Variants in SCML2 observed in about 807,000 individuals in gnomAD.
The protein encoded by SCML2 is Scm polycomb group protein like 2.
In SCML2, 6 loss-of-function variants were observed where a neutral mutation model predicts 48.4. That is an observed-to-expected ratio of 0.12 (90% CI 0.07 to 0.24). SCML2 has a LOEUF of 0.24. SCML2 is among the 10% of genes least tolerant of loss of function. SCML2 has a pLI of 1.00. For missense variants in SCML2, 377 were observed against 528.2 expected (o/e 0.71, Z 2.81); for synonymous variants, 181 against 189.5 (o/e 0.95, Z 0.37).
At chrX:18,316,411 C>T (rs746677808) in intron 6 of SCML2, among the ~76,000 whole-genome samples, 6 of 111,105 alleles carry the variant, frequency 5.4e-5, no homozygotes, top group Non-Finnish European at 7.6e-5. Flanking sequence ...GAAAAATAGG[C>T]AAAGGCTATA....
chrX:18,317,850 A>AG (rs1234924964), intron 6 of SCML2, among the ~76,000 whole-genome samples: 11 of 109,070 alleles, frequency 1.0e-4, no homozygotes, highest in Non-Finnish European at 1.9e-4. Context: ...AAAAAAAAAA[A>AG]AAAGAAAAAG....
intron 6 of SCML2, 23 bp downstream of exon 6, chrX:18,320,309 G>T: frequency 2.0e-6 from 2 of 982,224 alleles, no homozygotes; most frequent in Non-Finnish European, 2.8e-6. Flanking sequence ...AAACATGGCA[G>T]CTTTTTATAA....
chrX:18,315,660 C>T (rs12688197), intron 6 of SCML2, among the ~76,000 whole-genome samples: 29,876 of 110,772 alleles, frequency 0.27, 3,447 homozygotes, highest in African/African-American at 0.44. Flanking sequence ...ACCACAACCT[C>T]ACACAAAGAA....
intron 7 of SCML2, among the ~76,000 whole-genome samples, chrX:18,269,996 G>A (rs1927394207): frequency 9.6e-6 from 1 of 104,618 alleles, no homozygotes; most frequent in Non-Finnish European, 1.9e-5. Flanking sequence ...ATATATGTAT[G>A]TATGAGCAAA....
chrX:18,295,393 A>G (rs1328584616), intron 7 of SCML2, among the ~76,000 whole-genome samples: 1 of 111,984 alleles, frequency 8.9e-6, no homozygotes, highest in Non-Finnish European at 1.9e-5. Flanking sequence ...GGAGGCCTGA[A>G]GATGGGCCCA....
At chrX:18,320,545 T>G (rs945698680) in intron 5 of SCML2, 125 bp from the exon 6 acceptor site, 1 of 404,895 alleles carries the variant, frequency 2.5e-6, no homozygotes, top group Non-Finnish European at 4.3e-6. Flanking sequence ...TCTAAGAACT[T>G]TGAACATGGG....
intron 6 of SCML2, among the ~76,000 whole-genome samples, chrX:18,318,497 A>G (rs1423363981): frequency 8.9e-6 from 1 of 112,786 alleles, no homozygotes; most frequent in East Asian, 2.8e-4. Context: ...CATACTCTTC[A>G]ACATTTTCTC....
chrX:18,240,377 C>G lies in SCML2; in HGVS notation c.*874G>C, dbSNP rs899190808. ...AAGAATAAACACATACAATATATAT[C>G]TTCAAAAATTTTGGACACAGGTATC... On this transcript the variant is annotated 3_prime_UTR_variant, in exon 15 of 15. Coordinates refer to ENST00000251900, the MANE Select transcript of SCML2 (RefSeq NM_006089.3). 5 of 111,982 alleles carry G rather than the reference C, an allele frequency of 4.5e-5. No individual in the cohort carries two copies. Among genetic ancestry groups the G allele is most frequent in the African/African-American group, 1.6e-4 (5 of 30,771 alleles). The allele number at this position is 111,982 out of a possible 1,213,427, so 9.2% of individuals were successfully genotyped here.
intron 7 of SCML2, among the ~76,000 whole-genome samples, chrX:18,276,373 T>C (rs773314948): frequency 1.1e-4 from 12 of 110,693 alleles, no homozygotes; most frequent in Non-Finnish European, 7.6e-5. Context: ...ATTCCACTCC[T>C]AGGTACAGAT....
At chrX:18,335,849 C>T (rs1310551061) in intron 1 of SCML2, among the ~76,000 whole-genome samples, 2 of 112,120 alleles carry the variant, frequency 1.8e-5, no homozygotes, top group South Asian at 3.7e-4. Context: ...TCATCAAAAT[C>T]CTCATAGGGT....
At chrX:18,251,424 G>A (rs60470775) in intron 11 of SCML2, among the ~76,000 whole-genome samples, 29,920 of 106,265 alleles carry the variant, frequency 0.28, 3,774 homozygotes, top group African/African-American at 0.48. Flanking sequence ...CAGAATATAC[G>A]AAGAACTCTT....
chrX:18,295,723 C>T (rs949463901), intron 7 of SCML2, among the ~76,000 whole-genome samples: 1 of 108,172 alleles, frequency 9.2e-6, no homozygotes, highest in African/African-American at 3.4e-5. Context: ...AGAACAGGCA[C>T]GCTCGGCCCT....
chrX:18,302,495 A>G (rs778253065), intron 7 of SCML2, among the ~76,000 whole-genome samples: 12 of 111,239 alleles, frequency 1.1e-4, no homozygotes, highest in African/African-American at 3.6e-4. Context: ...ACGGATTCAA[A>G]CCCCTGGATG....
intron 1 of SCML2, among the ~76,000 whole-genome samples, chrX:18,334,833 C>T: frequency 1.8e-5 from 2 of 112,127 alleles, no homozygotes; most frequent in East Asian, 5.6e-4. Context: ...GCTATCTATC[C>T]CGCCATTACT....
intron 7 of SCML2, among the ~76,000 whole-genome samples, chrX:18,297,812 AC>A (rs1204789797): frequency 3.6e-5 from 4 of 110,807 alleles, no homozygotes; most frequent in Non-Finnish European, 7.6e-5. Context: ...CCCTGTCTCT[AC>A]AAAAAAAAAC....
At chrX:18,315,258 G>A (rs1352879495) in intron 6 of SCML2, among the ~76,000 whole-genome samples, 6 of 110,350 alleles carry the variant, frequency 5.4e-5, no homozygotes, top group Non-Finnish European at 9.5e-5. Context: ...AAATAAACAG[G>A]TATCTACAAG....
At chrX:18,254,342 CTTT>C (rs1296585049) in intron 11 of SCML2, among the ~76,000 whole-genome samples, 1 of 111,839 alleles carries the variant, frequency 8.9e-6, no homozygotes. Flanking sequence ...TATGCAACTT[CTTT>C]AACTACAAGC....
intron 1 of SCML2, among the ~76,000 whole-genome samples, chrX:18,336,211 G>A (rs1255306779): frequency 1.8e-5 from 2 of 111,118 alleles, no homozygotes; most frequent in Non-Finnish European, 3.8e-5. Context: ...TTGGGAGGCC[G>A]AGGCAGATCA....
At chrX:18,331,987 T>G (rs751064014) in intron 2 of SCML2, among the ~76,000 whole-genome samples, 92 of 112,564 alleles carry the variant, frequency 8.2e-4, no homozygotes, top group African/African-American at 2.0e-3. Flanking sequence ...ATAGGTGGTG[T>G]TGTGTATTTC....
Sources: allele counts gnomAD v4.1 joint callset (sites outside exome capture counted in the v4.1 genomes callset), GRCh38; gene constraint gnomAD v4.1.1; transcripts MANE v1.5; gene names NCBI Gene and HGNC (gene_info 2026-07-23, HGNC 2026-07-21).